Variants in CORO2A observed in about 807,000 individuals in gnomAD.
CORO2A encodes the protein coronin 2A, also known as coronin-2A.
A neutral mutation model predicts 62.4 loss-of-function variants in CORO2A; 47 were observed. That is an observed-to-expected ratio of 0.75 (90% CI 0.60 to 0.96). CORO2A has a LOEUF of 0.96. Ranked by LOEUF, CORO2A falls within the 40% of genes least tolerant of loss-of-function variation. The probability of loss-of-function intolerance (pLI) is 0.00; values close to 1 mark genes in which losing one functional copy is unlikely to be tolerated. For missense variants in CORO2A, 610 were observed against 684.1 expected, an observed-to-expected ratio of 0.89 and a Z score of 1.21; for synonymous variants, 273 against 268.9, an observed-to-expected ratio of 1.02 and a Z score of -0.15.
rs887365063 is a variant in CORO2A at position 98,122,543 on chromosome 9, G to T, written c.*2231C>A. 2.0e-5 allele frequency: 3 copies of T among 152,130 alleles called. No individual in the cohort carries two copies. Among genetic ancestry groups the T allele is most frequent in the African/African-American group, 7.2e-5 (3 of 41,406 alleles). 9.4% of individuals were successfully genotyped at this position (152,130 alleles called of 1,614,324 possible). A position where few individuals can be genotyped will look rare whatever the true frequency, so the allele number is the denominator to read the frequency against. The stretch of plus-strand genomic sequence containing the variant: ...CAGTCTCTTGGTGGACTATTGTATT[G>T]ACCACTGAACTTTAGAGTAGGGCTC... On this transcript the variant is annotated 3_prime_UTR_variant, in exon 12 of 12. Transcript: ENST00000375077.
At chr9:98,174,637 T>C (rs866257420) in intron 1 of CORO2A, among the ~76,000 whole-genome samples, 1 of 152,088 alleles carries the variant, frequency 6.6e-6, no homozygotes, top group Non-Finnish European at 1.5e-5. Context: ...GTTCTGGTAT[T>C]ACTAAGGGAG....
chr9:98,159,886 T>G (rs2118882065), intron 1 of CORO2A, among the ~76,000 whole-genome samples: 1 of 152,222 alleles, frequency 6.6e-6, no homozygotes, highest in South Asian at 2.1e-4. Flanking sequence ...GAAGGCAGGT[T>G]TGGCTGGGCC....
chr9:98,136,215 G>A (rs1314079387), intron 3 of CORO2A, among the ~76,000 whole-genome samples: 1 of 152,202 alleles, frequency 6.6e-6, no homozygotes, highest in Non-Finnish European at 1.5e-5. Flanking sequence ...ACAAAAGTGG[G>A]GACAGTTTCA....
At chr9:98,154,969 T>C (rs1228479286) in intron 2 of CORO2A, among the ~76,000 whole-genome samples, 1 of 152,236 alleles carries the variant, frequency 6.6e-6, no homozygotes, top group Non-Finnish European at 1.5e-5. Context: ...TGGTTGGTAT[T>C]TCTGGGTCAC....
At chr9:98,162,725 G>C (rs190389395) in intron 1 of CORO2A, among the ~76,000 whole-genome samples, 1 of 152,242 alleles carries the variant, frequency 6.6e-6, no homozygotes, top group East Asian at 1.9e-4. Context: ...GTGCATGCAC[G>C]TGTGCATCCC....
At chr9:98,141,470 G>A (rs778346131) in intron 2 of CORO2A, among the ~76,000 whole-genome samples, 4 of 151,232 alleles carry the variant, frequency 2.6e-5, no homozygotes, top group African/African-American at 7.3e-5. Context: ...TCCCTGCCTC[G>A]GCCTCCTGAG....
At chr9:98,175,161 T>A (rs374813149) in intron 1 of CORO2A, among the ~76,000 whole-genome samples, 6 of 152,214 alleles carry the variant, frequency 3.9e-5, no homozygotes, top group African/African-American at 1.4e-4. Context: ...GGGTGCGGGA[T>A]GGCCCTCCCT....
chr9:98,134,999 C>T, intron 3 of CORO2A, 44 bp from the exon 4 acceptor site: 1 of 1,601,406 alleles, frequency 6.2e-7, no homozygotes, highest in Non-Finnish European at 8.5e-7. Context: ...GCCAGGGCAC[C>T]TTGGCACCGT....
In CORO2A at chr9:98,122,033, G is replaced by C. The variant is rs1827250706; in HGVS notation, c.*2741C>G. ...AGACATACAAGCAGAATAAACCACA[G>C]CTGGGTAAGGGGCAAACAGGGGCAC... On this transcript the variant is annotated 3_prime_UTR_variant, in exon 12 of 12. Coordinates refer to ENST00000375077, the MANE Select transcript of CORO2A (RefSeq NM_052820.4). 6.6e-6 allele frequency: 1 copy of C among 152,124 alleles called. No homozygotes were observed. Among genetic ancestry groups the C allele is most frequent in the Non-Finnish European group, 1.5e-5 (1 of 68,028 alleles). 9.4% of individuals were successfully genotyped at this position (152,124 alleles called of 1,614,324 possible). A position where few individuals can be genotyped will look rare whatever the true frequency, so the allele number is the denominator to read the frequency against.
chr9:98,129,461 C>T (rs1827373323), intron 8 of CORO2A, among the ~76,000 whole-genome samples: 1 of 152,218 alleles, frequency 6.6e-6, no homozygotes. Context: ...CCTAGAGGCT[C>T]TTCTAGGTCA....
At chr9:98,161,760 A>G (rs367905077) in intron 1 of CORO2A, among the ~76,000 whole-genome samples, 98 of 152,162 alleles carry the variant, frequency 6.4e-4, no homozygotes, top group Non-Finnish European at 1.1e-3. Context: ...GATCAACCAA[A>G]TGTGGTGCCT....
intron 2 of CORO2A, among the ~76,000 whole-genome samples, chr9:98,152,463 C>T (rs1827738546): frequency 6.6e-6 from 1 of 151,524 alleles, no homozygotes; most frequent in Non-Finnish European, 1.5e-5. Context: ...TTAATTTTTG[C>T]ATTTTTTGTA....
intron 2 of CORO2A, among the ~76,000 whole-genome samples, chr9:98,153,228 T>C (rs1200712525): frequency 6.6e-6 from 1 of 150,638 alleles, no homozygotes; most frequent in Admixed American, 6.6e-5. Flanking sequence ...GACTCCTGAG[T>C]AGCTGGGATT....
intron 4 of CORO2A, among the ~76,000 whole-genome samples, chr9:98,133,904 T>G (rs76565201): frequency 0.013 from 1,974 of 151,784 alleles, 30 homozygotes; most frequent in African/African-American, 0.044. Flanking sequence ...CTTGACGCAT[T>G]TTCCCACACC....
At chr9:98,176,435 C>T (rs1370669772) in intron 1 of CORO2A, among the ~76,000 whole-genome samples, 1 of 152,174 alleles carries the variant, frequency 6.6e-6, no homozygotes, top group Non-Finnish European at 1.5e-5. Context: ...GGAAGATGTG[C>T]TCAACCAGTG....
rs138532218 is a variant in CORO2A, at chr9:98,152,136, T to TTGTTG, written c.201+5323_201+5324insCAACA. ...CCGGCCTCTTTTGCTGTTTTTTTTT[T>TTGTTG]TTGTTTTTTCTTTAAGGGACATTTT... On this transcript the variant is annotated intron_variant, in intron 2 of 11. Transcript: ENST00000375077. Among the ~76,000 whole-genome samples the TTGTTG allele has an allele frequency of 4.8e-3, 691 of 145,002 alleles. 7 individuals carry two copies. Among genetic ancestry groups the TTGTTG allele is most frequent in the African/African-American group, 0.015 (607 of 40,494 alleles).
chr9:98,163,330 C>T (rs1401587788), intron 1 of CORO2A, among the ~76,000 whole-genome samples: 1 of 152,232 alleles, frequency 6.6e-6, no homozygotes, highest in Non-Finnish European at 1.5e-5. Context: ...GCTGGGATAA[C>T]AGGCGCATGC....
intron 2 of CORO2A, among the ~76,000 whole-genome samples, chr9:98,142,315 G>A (rs1321114598): frequency 1.3e-5 from 2 of 152,268 alleles, no homozygotes; most frequent in Non-Finnish European, 2.9e-5. Context: ...GTGAGGGGCA[G>A]AGCTGGGCTT....
rs1827364157 is a variant in CORO2A, at chr9:98,128,701, C to A, written c.986G>T (p.Gly329Val). 2 of 1,614,144 alleles carry A rather than the reference C, an allele frequency of 1.2e-6. No homozygotes were observed. Among genetic ancestry groups the A allele is most frequent in the African/African-American group, 1.3e-5 (1 of 75,036 alleles). ...QKGIGVMPKR[G>V]LDVSSCEIFR... ...GATCTCGCAGGAGGACACGTCGAGTCCTCTCTTTGGCATGACACCTGAAGG... is the reference window on the plus strand; with the variant it reads ...GATCTCGCAGGAGGACACGTCGAGTACTCTCTTTGGCATGACACCTGAAGG... Residue 329 changes from glycine to valine, a missense_variant, in exon 9 of 12, where the codon GGA becomes GTA. Coordinates refer to ENST00000375077, the MANE Select transcript of CORO2A (RefSeq NM_052820.4).
Sources: gnomAD v4.1 joint callset for allele counts (sites outside exome capture counted in the v4.1 genomes callset) on GRCh38, gnomAD v4.1.1 for gene constraint, MANE v1.5 for transcripts, NCBI Gene and HGNC (gene_info 2026-07-23, HGNC 2026-07-21) for gene names.